The following SMARCAL1 variants were observed in gnomAD, a reference collection of about 807,000 sequenced individuals.
The protein encoded by SMARCAL1 is ATP-driven annealing helicase.
A neutral mutation model predicts 94.5 loss-of-function variants in SMARCAL1; 58 were observed. The ratio of observed to expected loss-of-function variants is 0.61; its 90% confidence interval spans 0.50 to 0.76. SMARCAL1 has a LOEUF of 0.76. Among genes scored for constraint, SMARCAL1 ranks in the 30% least tolerant of loss-of-function variants. The probability of loss-of-function intolerance (pLI) is 0.00; values close to 1 mark genes in which losing one functional copy is unlikely to be tolerated. For synonymous variants in SMARCAL1, 422 were observed against 455.1 expected (o/e 0.93, Z 0.93); for missense variants, 1,051 against 1,177.9 (o/e 0.89, Z 1.58).
intron 12 of SMARCAL1, among the ~76,000 whole-genome samples, chr2:216,457,711 A>C (rs1321359093): frequency 6.6e-6 from 1 of 152,204 alleles, no homozygotes; most frequent in Non-Finnish European, 1.5e-5. Context: ...AATTTATAGC[A>C]CTAAATGCCC....
At chr2:216,463,604 A>G (rs1464208540) in intron 12 of SMARCAL1, among the ~76,000 whole-genome samples, 1 of 152,200 alleles carries the variant, frequency 6.6e-6, no homozygotes, top group Non-Finnish European at 1.5e-5. Context: ...TTATTATGAA[A>G]TGATTTGAGC....
intron 5 of SMARCAL1, among the ~76,000 whole-genome samples, chr2:216,420,765 G>A (rs1693702634): frequency 6.6e-6 from 1 of 152,126 alleles, no homozygotes; most frequent in East Asian, 1.9e-4. Context: ...TATCCCCCTG[G>A]TCAATATCTT....
rs898278692 is a variant in SMARCAL1, at chr2:216,440,611, A to C, written c.1710+2126A>C. The stretch of plus-strand genomic sequence containing the variant: ...GTGTCTTGGGGCCACGCTCTTCCGC[A>C]ACGTTGACTTCATATAATGCTGGAC... On this transcript the variant is annotated intron_variant, in intron 10 of 17. Coordinates refer to ENST00000357276, the MANE Select transcript of SMARCAL1 (RefSeq NM_014140.4). Among the ~76,000 whole-genome samples the C allele has an allele frequency of 2.0e-5, 3 of 152,212 alleles. No individual in the cohort carries two copies. The East Asian group carries it at 5.8e-4, about 29-fold the overall frequency.
Position 216,451,010 on chromosome 2 carries a change from G to C in SMARCAL1, c.2016G>C (p.Arg672Ser), listed in dbSNP as rs1303862591. ...VVIAPGRINA[R>S]TRAALDAAAK... ...TTGCCCCAGGACGGATCAATGCCAG[G>C]ACCAGAGCTGCCCTGGATGCTGCAG... Residue 672 changes from arginine (R) to serine (S), a missense_variant, in exon 12 of 18, where the codon AGG becomes AGC. Transcript: ENST00000357276. 1.2e-6 allele frequency: 2 copies of C among 1,614,200 alleles called. No individual in the cohort carries two copies. Among genetic ancestry groups the C allele is most frequent in the Admixed American group, 1.7e-5 (1 of 60,030 alleles).
intron 14 of SMARCAL1, among the ~76,000 whole-genome samples, chr2:216,472,733 A>G (rs1694994499): frequency 6.6e-6 from 1 of 152,052 alleles, no homozygotes; most frequent in Non-Finnish European, 1.5e-5. Context: ...GCCAATTAAA[A>G]GATAACGAAA....
intron 16 of SMARCAL1, among the ~76,000 whole-genome samples, chr2:216,477,471 A>T (rs1256087560): frequency 1.3e-5 from 2 of 152,186 alleles, no homozygotes; most frequent in Non-Finnish European, 2.9e-5. Flanking sequence ...GGTCTGAGGC[A>T]GGGAGAAGTG....
chr2:216,424,941 G>A (rs1693797983), intron 6 of SMARCAL1, among the ~76,000 whole-genome samples: 1 of 151,994 alleles, frequency 6.6e-6, no homozygotes, highest in African/African-American at 2.4e-5. Context: ...TTCTTTTTGA[G>A]GCAGGGTCTC....
chr2:216,432,611 G>A, intron 7 of SMARCAL1, 107 bp from the exon 8 acceptor site: 1 of 1,361,306 alleles, frequency 7.3e-7, no homozygotes, highest in Non-Finnish European at 1.0e-6. Flanking sequence ...CTGGGCCCGG[G>A]CTGGCCAGTG....
intron 9 of SMARCAL1, among the ~76,000 whole-genome samples, chr2:216,435,838 T>C (rs1455381329): frequency 1.3e-5 from 2 of 152,190 alleles, no homozygotes; most frequent in African/African-American, 2.4e-5. Flanking sequence ...TACTACAACC[T>C]GGACGGCAAG....
intron 5 of SMARCAL1, among the ~76,000 whole-genome samples, chr2:216,422,062 T>C (rs1409094797): frequency 1.3e-5 from 2 of 151,894 alleles, no homozygotes; most frequent in Non-Finnish European, 2.9e-5. Context: ...CCCCCTCAGG[T>C]GTTTGGCTTC....
At chr2:216,430,120 A>G (rs903869622) in intron 7 of SMARCAL1, among the ~76,000 whole-genome samples, 4 of 152,060 alleles carry the variant, frequency 2.6e-5, no homozygotes, top group Non-Finnish European at 5.9e-5. Flanking sequence ...TACCCCTGAG[A>G]GAGGCTCTGT....
At chr2:216,434,590 A>C (rs1694036203) in intron 8 of SMARCAL1, among the ~76,000 whole-genome samples, 1 of 152,090 alleles carries the variant, frequency 6.6e-6, no homozygotes, top group Non-Finnish European at 1.5e-5. Context: ...AGTCTCAGCA[A>C]CTTGGGAAGC....
rs1695127231 is a variant in SMARCAL1, at chr2:216,478,081, T to C, written c.2529-122T>C. On this transcript the variant is annotated intron_variant, in intron 16 of 17. Coordinates refer to ENST00000357276, the MANE Select transcript of SMARCAL1 (RefSeq NM_014140.4). ...AGATGGGTGTTTGCACCTTGAGAGA[T>C]GCAGAGATGTGAAACCGTAAACAAG... 3 of 856,846 alleles carry C rather than the reference T, an allele frequency of 3.5e-6. No individual in the cohort carries two copies. In the Admixed American group the frequency reaches 5.2e-5, roughly 15 times the overall value. The allele number at this position is 856,846 out of a possible 1,614,324, so 53.1% of individuals were successfully genotyped here. A position where few individuals can be genotyped will look rare whatever the true frequency, so the allele number is the denominator to read the frequency against.
intron 6 of SMARCAL1, among the ~76,000 whole-genome samples, chr2:216,426,754 T>C (rs1310073449): frequency 6.6e-6 from 1 of 152,156 alleles, no homozygotes; most frequent in Non-Finnish European, 1.5e-5. Flanking sequence ...TAGAGCCCAG[T>C]TCCAATTTAG....
intron 10 of SMARCAL1, among the ~76,000 whole-genome samples, chr2:216,444,838 G>T (rs1326033609): frequency 6.6e-6 from 1 of 152,088 alleles, no homozygotes; most frequent in African/African-American, 2.4e-5. Flanking sequence ...TTAAAACTAT[G>T]TATAGATTAT....
At chr2:216,431,954 C>T (rs909432198) in intron 7 of SMARCAL1, among the ~76,000 whole-genome samples, 1 of 152,188 alleles carries the variant, frequency 6.6e-6, no homozygotes, top group African/African-American at 2.4e-5. Context: ...TTTATGCATA[C>T]TGAGTACTCT....
At chr2:216,430,408 T>C (rs1288629021) in intron 7 of SMARCAL1, among the ~76,000 whole-genome samples, 1 of 152,228 alleles carries the variant, frequency 6.6e-6, no homozygotes, top group Non-Finnish European at 1.5e-5. Flanking sequence ...AGCAGGTGAA[T>C]GAATTGAGGC....
intron 12 of SMARCAL1, among the ~76,000 whole-genome samples, chr2:216,458,343 C>G (rs1282898085): frequency 2.0e-5 from 3 of 152,182 alleles, no homozygotes; most frequent in Non-Finnish European, 2.9e-5. Context: ...GTGAGGCCAG[C>G]ATCATACTGA....
At chr2:216,451,119 C>A (rs1383695656) in intron 12 of SMARCAL1, 55 bp downstream of exon 12, 2 of 1,385,666 alleles carry the variant, frequency 1.4e-6, no homozygotes, top group Non-Finnish European at 2.0e-6. Flanking sequence ...GTGTTCCTTT[C>A]CATGAGAGGC....
Sources: gnomAD v4.1 joint callset for allele counts (sites outside exome capture counted in the v4.1 genomes callset) on GRCh38, gnomAD v4.1.1 for gene constraint, MANE v1.5 for transcripts, NCBI Gene and HGNC (gene_info 2026-07-23, HGNC 2026-07-21) for gene names.